TRPC1: variants seen among roughly 807,000 people sequenced by gnomAD.
TRPC1 encodes short transient receptor potential channel 1.
TRPC1 carries 42 observed loss-of-function variants against 88.2 expected under a neutral mutation model. The ratio of observed to expected loss-of-function variants is 0.48; its 90% CI spans 0.37 to 0.62. The LOEUF (loss-of-function observed/expected upper bound fraction) is 0.62. Among genes scored for constraint, TRPC1 ranks in the 20% least tolerant of loss-of-function variants. The pLI is 0.00. For synonymous variants in TRPC1, 288 were observed against 331.8 expected (o/e 0.87, Z 1.43); for missense variants, 699 against 957.3 (o/e 0.73, Z 3.56).
At chr3:142,739,990 C>T (rs911707090) in intron 2 of TRPC1, among the ~76,000 whole-genome samples, 25 of 152,088 alleles carry the variant, frequency 1.6e-4, no homozygotes, top group Non-Finnish European at 1.0e-4. Context: ...GTCAGGTCAG[C>T]GATGGTATTA....
At chr3:142,771,014 AAG>A (rs1159748063) in intron 4 of TRPC1, among the ~76,000 whole-genome samples, 2 of 152,134 alleles carry the variant, frequency 1.3e-5, no homozygotes, top group Non-Finnish European at 2.9e-5. Flanking sequence ...GAAAAAGAGC[AAG>A]AGAGAGAGAA....
chr3:142,803,883 A>G (rs532149290), intron 10 of TRPC1, 94 bp from the exon 11 acceptor site: 47 of 1,256,192 alleles, frequency 3.7e-5, no homozygotes, highest in South Asian at 2.8e-4. Context: ...TGGATTATCA[A>G]TGTTTTATTT....
intron 11 of TRPC1, 103 bp from the exon 12 acceptor site, chr3:142,804,329 ATAAT>A: frequency 8.5e-7 from 1 of 1,169,878 alleles, no homozygotes. Flanking sequence ...GTAATGTATA[ATAAT>A]TGCAAATGTT....
rs1934271395 is a variant in TRPC1 at position 142,739,684 on chromosome 3, G to A, written c.327+3151G>A. 5.9e-5 allele frequency among the ~76,000 whole-genome samples: 9 copies of A among 152,286 alleles called. No homozygotes were observed. In the South Asian group the frequency reaches 1.9e-3, roughly 32 times the overall value. On this transcript the variant is annotated intron_variant, in intron 2 of 12. Transcript: ENST00000476941. ...CATGATTTTCGAGAAAGGATGTGAT[G>A]TGTCCAGTGGTATTTTAGAAAGATG...
At position 142,736,499 on chromosome 3, in the gene TRPC1, A is replaced by T; in HGVS notation, c.293A>T (p.Asp98Val). The change falls in exon 2 of 13, where the codon GAT (aspartate) becomes GTT (valine). Residue 98 changes from aspartate (D) to valine (V), a missense_variant. Physicochemically the swap from Asp to Val is radical, Grantham distance 152. Around this residue, in one of 4 missense-constraint regions of TRPC1, gnomAD observed 157 missense variants for 127.0 expected, o/e 1.24. Coordinates refer to ENST00000476941, the MANE Select transcript of TRPC1 (RefSeq NM_001251845.2). ...VTITIENENL[D>V]ILQLLLDYGC... ...ATAACTATTGAAAACGAAAACTTGG[A>T]TATACTGCAGCTTCTTTTGGACTAC... 1 of 1,611,334 alleles carries T rather than the reference A, an allele frequency of 6.2e-7. No individual in the cohort carries two copies.
chr3:142,800,060 G>C (rs1342905769), intron 9 of TRPC1, among the ~76,000 whole-genome samples: 2 of 152,112 alleles, frequency 1.3e-5, no homozygotes, highest in Non-Finnish European at 2.9e-5. Context: ...AGCAGTTACT[G>C]TATTCTTACT....
chr3:142,745,277 G>C (rs1223715951), intron 3 of TRPC1, among the ~76,000 whole-genome samples: 1 of 152,150 alleles, frequency 6.6e-6, no homozygotes, highest in Non-Finnish European at 1.5e-5. Context: ...TTCCTTTCCT[G>C]GGGGAAGGGT....
chr3:142,743,615 G>C (rs1934433832), intron 3 of TRPC1, 29 bp downstream of exon 3: 1 of 1,392,438 alleles, frequency 7.2e-7, no homozygotes, highest in Non-Finnish European at 9.4e-7. Flanking sequence ...TTATTAATTT[G>C]GATTTTTAAA....
chr3:142,788,424 C>T (rs909149576), intron 7 of TRPC1, among the ~76,000 whole-genome samples: 1 of 152,016 alleles, frequency 6.6e-6, no homozygotes, highest in Non-Finnish European at 1.5e-5. Flanking sequence ...GATTATTAAG[C>T]AATATTGGTC....
At chr3:142,725,212 C>T (rs1933626783) in intron 1 of TRPC1, among the ~76,000 whole-genome samples, 1 of 152,176 alleles carries the variant, frequency 6.6e-6, no homozygotes, top group Non-Finnish European at 1.5e-5. Flanking sequence ...CAAAACCAGA[C>T]CCTCTATTAT....
At chr3:142,758,276 T>C (rs1431589466) in intron 4 of TRPC1, among the ~76,000 whole-genome samples, 1 of 152,212 alleles carries the variant, frequency 6.6e-6, no homozygotes, top group Non-Finnish European at 1.5e-5. Context: ...TTCCCCTTTG[T>C]CCACATCTTT....
At chr3:142,793,758 A>T in intron 9 of TRPC1, 1 of 775,536 alleles carries the variant, frequency 1.3e-6, no homozygotes. Context: ...TCCTTAAGTC[A>T]AAATTTACTA....
chr3:142,791,128 C>A lies in TRPC1; in HGVS notation c.1407C>A (p.Thr469=). 6.2e-7 allele frequency: 1 copy of A among 1,607,246 alleles called. No individual in the cohort carries two copies. Among genetic ancestry groups the A allele is most frequent in the South Asian group, 1.1e-5 (1 of 89,344 alleles). Residue 469 remains threonine, a synonymous_variant, in exon 8 of 13, where the codon ACC becomes ACA. Transcript: ENST00000476941. ...SFVMNSLYLA[T]FALKVVAHNK... The stretch of plus-strand genomic sequence containing the variant: ...TCATGAATTCTCTTTATTTGGCAAC[C>A]TTTGCCCTCAAAGTGGTTGCTCACA...
intron 4 of TRPC1, among the ~76,000 whole-genome samples, chr3:142,752,522 G>A (rs1014388691): frequency 2.0e-5 from 3 of 152,122 alleles, no homozygotes; most frequent in Admixed American, 6.5e-5. Context: ...GTTTTACACC[G>A]AGACATTCAG....
chr3:142,800,422 G>C (rs1442851736), intron 9 of TRPC1, among the ~76,000 whole-genome samples: 2 of 152,150 alleles, frequency 1.3e-5, no homozygotes, highest in Non-Finnish European at 2.9e-5. Flanking sequence ...TTCTGCTTAA[G>C]TAGCTGGTCC....
At position 142,776,783 on chromosome 3, in the gene TRPC1, A is replaced by C. The variant is rs2108108224; in HGVS notation, c.633-849A>C. Among the ~76,000 whole-genome samples the C allele has an allele frequency of 6.6e-6, 1 of 152,120 alleles. No homozygotes were observed. Among genetic ancestry groups the C allele is most frequent in the African/African-American group, 2.4e-5 (1 of 41,514 alleles). ...CCAGGCGTGGTGGCACATGCCTGTA[A>C]TCCCAGCTACTTGGGAGGCTGAGGC... On this transcript the variant is annotated intron_variant, in intron 4 of 12. Coordinates refer to ENST00000476941, the MANE Select transcript of TRPC1 (RefSeq NM_001251845.2). This position sits in a 1 kb window ranked among gnomAD's most constrained non-coding sequence, Gnocchi z 4.1.
intron 4 of TRPC1, among the ~76,000 whole-genome samples, chr3:142,764,597 T>A (rs1211017257): frequency 1.3e-5 from 2 of 152,300 alleles, no homozygotes; most frequent in East Asian, 3.9e-4. Flanking sequence ...TTCCACTCCC[T>A]TCTGCCTGCA....
chr3:142,738,308 C>A (rs1934216389), intron 2 of TRPC1, among the ~76,000 whole-genome samples: 1 of 152,088 alleles, frequency 6.6e-6, no homozygotes, highest in African/African-American at 2.4e-5. Flanking sequence ...CCACAAATGT[C>A]CAGGGCCTTT....
At position 142,777,636 on chromosome 3, in the gene TRPC1, C is replaced by T. The variant is rs1935825899; in HGVS notation, c.637C>T (p.Arg213Cys). Residue 213 changes from arginine to cysteine, a missense_variant, in exon 5 of 13, where the codon CGT becomes TGT. By Grantham distance (180) the Arg-to-Cys change is radical. Coordinates refer to ENST00000476941, the MANE Select transcript of TRPC1 (RefSeq NM_001251845.2). The part of the protein sequence containing the change: ...KKDSLRHSRF[R>C]LDIYRCLASP... ...TGGAATCCAATTTTATCACAGGTTT[C>T]GTCTTGATATATATCGATGTTTGGC... is the stretch of plus-strand genomic sequence containing the variant. 2 of 1,574,818 alleles carry T rather than the reference C, an allele frequency of 1.3e-6. No homozygotes were observed. Among genetic ancestry groups the T allele is most frequent in the Non-Finnish European group, 1.7e-6 (2 of 1,159,412 alleles).
Sources: allele counts gnomAD v4.1 joint callset (sites outside exome capture counted in the v4.1 genomes callset), GRCh38; gene constraint gnomAD v4.1.1; regional missense constraint gnomAD v4.1.1; non-coding constraint Gnocchi (gnomAD v3.1); transcripts MANE v1.5; gene names NCBI Gene and HGNC (gene_info 2026-07-23, HGNC 2026-07-21).